Variants in CSNK1G1 observed in about 807,000 individuals in gnomAD.
The protein encoded by CSNK1G1 is casein kinase I isoform gamma-1.
CSNK1G1 carries 22 observed loss-of-function variants against 59.6 expected under a neutral mutation model. That is an observed-to-expected ratio of 0.37 (90% CI 0.26 to 0.53). The LOEUF is 0.53. CSNK1G1 is among the 20% of genes least tolerant of loss of function. The pLI is 0.89. For missense variants in CSNK1G1, 384 were observed against 519.5 expected (o/e 0.74, Z 2.54); for synonymous variants, 179 against 177.1 (o/e 1.01, Z -0.08).
intron 10 of CSNK1G1, chr15:64,194,082 A>G (rs960105875): frequency 1.3e-5 from 2 of 152,258 alleles, no homozygotes; most frequent in African/African-American, 4.8e-5. Context: ...CTCAGAGTAA[A>G]GGTCCCAGAA....
chr15:64,237,201 C>G (rs982927438), intron 4 of CSNK1G1, among the ~76,000 whole-genome samples: 1 of 151,916 alleles, frequency 6.6e-6, no homozygotes, highest in Non-Finnish European at 1.5e-5. Flanking sequence ...TGATGAATAC[C>G]CTACAAACCC....
intron 1 of CSNK1G1, among the ~76,000 whole-genome samples, chr15:64,339,382 C>G (rs1329294540): frequency 6.6e-6 from 1 of 152,052 alleles, no homozygotes; most frequent in South Asian, 2.1e-4. Context: ...GCACAATCTC[C>G]GCTCACTGCA....
chr15:64,218,017 G>A (rs914893298), intron 4 of CSNK1G1, among the ~76,000 whole-genome samples: 2 of 151,854 alleles, frequency 1.3e-5, no homozygotes, highest in Admixed American at 1.3e-4. Context: ...GTAAGATCTC[G>A]GCTCGCAATC....
chr15:64,176,983 A>G lies in CSNK1G1; in HGVS notation c.1214+3365T>C, dbSNP rs947634152. On this transcript the variant is annotated intron_variant, in intron 11 of 11. Transcript: ENST00000303052. The surrounding 1 kb of genome is among the most constrained non-coding windows in gnomAD (Gnocchi z 5.2). ...ATAGCTAAAGTCTGGATAACCAAAAATTCCTGTATTCTTACTGTAACAAAA... is the reference window on the plus strand; with the variant it reads ...ATAGCTAAAGTCTGGATAACCAAAAGTTCCTGTATTCTTACTGTAACAAAA... 2.0e-5 allele frequency among the ~76,000 whole-genome samples: 3 copies of G among 152,150 alleles called. No homozygotes were observed. Among genetic ancestry groups the G allele is most frequent in the African/African-American group, 7.2e-5 (3 of 41,438 alleles).
chr15:64,220,237 G>A (rs2140274708), intron 4 of CSNK1G1, among the ~76,000 whole-genome samples: 1 of 151,842 alleles, frequency 6.6e-6, no homozygotes, highest in African/African-American at 2.4e-5. Context: ...TGAGATTACA[G>A]GCACCTGCCA....
At chr15:64,342,174 T>C (rs1349061519) in intron 1 of CSNK1G1, among the ~76,000 whole-genome samples, 1 of 152,214 alleles carries the variant, frequency 6.6e-6, no homozygotes, top group Non-Finnish European at 1.5e-5. Context: ...TAGCTGTTTC[T>C]TCAAGAGGCT....
intron 11 of CSNK1G1, 175 bp downstream of exon 11, chr15:64,180,173 T>A (rs1192704575): frequency 1.7e-6 from 1 of 577,766 alleles, no homozygotes; most frequent in African/African-American, 1.9e-5. Flanking sequence ...AAATCACAGC[T>A]AAAGAAGGGC....
chr15:64,205,047 CAGT>C lies in CSNK1G1; in HGVS notation c.766-101_766-99del, dbSNP rs546973146. On this transcript the variant is annotated intron_variant, in intron 7 of 11. Transcript: ENST00000303052. ...ACAATGGTTGTTTCACTCAAATTCG[CAGT>C]ATTTGTTGGTCTTGATTTTTTTTCT... 63 of 663,662 alleles carry C rather than the reference CAGT, an allele frequency of 9.5e-5. 1 individual carries two copies. In the East Asian group the frequency reaches 1.8e-3, roughly 19 times the overall value. 41.1% of individuals were successfully genotyped at this position (663,662 alleles called of 1,614,324 possible). A position where few individuals can be genotyped will look rare whatever the true frequency, so the allele number is the denominator to read the frequency against.
rs1260235079 is a variant in CSNK1G1 at position 64,169,811 on chromosome 15, A to C, written c.*2120T>G. The C allele has an allele frequency of 6.6e-6, 1 of 152,248 alleles. No homozygotes were observed. Among genetic ancestry groups the C allele is most frequent in the Non-Finnish European group, 1.5e-5 (1 of 68,048 alleles). 9.4% of individuals were successfully genotyped at this position (152,248 alleles called of 1,614,324 possible). A position where few individuals can be genotyped will look rare whatever the true frequency, so the allele number is the denominator to read the frequency against. ...CATATTACCATCTTTTCATAAGCTA[A>C]GCAGGTTTGATGCCAGTGAAATGAT... On this transcript the variant is annotated 3_prime_UTR_variant, in exon 12 of 12. Transcript: ENST00000303052.
chr15:64,196,825 G>A (rs1451960367), intron 10 of CSNK1G1, among the ~76,000 whole-genome samples: 1 of 151,676 alleles, frequency 6.6e-6, no homozygotes, highest in Non-Finnish European at 1.5e-5. Context: ...CTCCCCTTGA[G>A]CAGACAATCC....
At chr15:64,341,770 G>C (rs1345960233) in intron 1 of CSNK1G1, among the ~76,000 whole-genome samples, 1 of 152,148 alleles carries the variant, frequency 6.6e-6, no homozygotes, top group African/African-American at 2.4e-5. Context: ...GATGCTTAGA[G>C]AGGGAAAAGT....
intron 1 of CSNK1G1, among the ~76,000 whole-genome samples, chr15:64,353,035 G>A (rs911050994): frequency 2.0e-5 from 3 of 152,040 alleles, no homozygotes; most frequent in Admixed American, 1.3e-4. Flanking sequence ...ATTGCAATGA[G>A]CAGAGATTAT....
intron 1 of CSNK1G1, among the ~76,000 whole-genome samples, chr15:64,301,177 A>G (rs757731530): frequency 6.6e-6 from 1 of 152,226 alleles, no homozygotes; most frequent in Non-Finnish European, 1.5e-5. Context: ...AGCACTAGCA[A>G]GAATTATGTA....
intron 1 of CSNK1G1, among the ~76,000 whole-genome samples, chr15:64,309,084 T>C (rs962613029): frequency 1.3e-5 from 2 of 152,132 alleles, no homozygotes; most frequent in Admixed American, 1.3e-4. Context: ...TATGTTAACT[T>C]ATGCTCATAT....
chr15:64,225,907 G>A (rs1267355982), intron 4 of CSNK1G1, among the ~76,000 whole-genome samples: 3 of 152,180 alleles, frequency 2.0e-5, no homozygotes, highest in Non-Finnish European at 2.9e-5. Flanking sequence ...GATTACAGGC[G>A]TGAGACACTG....
At chr15:64,306,214 A>AT (rs1895677132) in intron 1 of CSNK1G1, among the ~76,000 whole-genome samples, 1 of 152,230 alleles carries the variant, frequency 6.6e-6, no homozygotes, top group African/African-American at 2.4e-5. Flanking sequence ...TAAGCCACTG[A>AT]TTAGGAGAAA....
chr15:64,209,764 G>A (rs2082227500), intron 6 of CSNK1G1, among the ~76,000 whole-genome samples: 1 of 151,042 alleles, frequency 6.6e-6, no homozygotes, highest in Non-Finnish European at 1.5e-5. Context: ...ACAAAGCAGG[G>A]CAGATAGAGA....
intron 1 of CSNK1G1, among the ~76,000 whole-genome samples, chr15:64,334,437 G>C (rs1350276178): frequency 6.6e-6 from 1 of 152,222 alleles, no homozygotes; most frequent in South Asian, 2.1e-4. Flanking sequence ...GATGATTCAA[G>C]CACACTACAT....
intron 1 of CSNK1G1, among the ~76,000 whole-genome samples, chr15:64,354,978 C>T (rs1455567902): frequency 1.3e-5 from 2 of 152,218 alleles, no homozygotes; most frequent in African/African-American, 4.8e-5. Flanking sequence ...ATTCACATAT[C>T]TGTTCTGAGA....
Sources: gnomAD v4.1 joint callset for allele counts (sites outside exome capture counted in the v4.1 genomes callset) on GRCh38, gnomAD v4.1.1 for gene constraint, Gnocchi (gnomAD v3.1) non-coding constraint, MANE v1.5 for transcripts, NCBI Gene and HGNC (gene_info 2026-07-23, HGNC 2026-07-21) for gene names.